FAM171A1: variants seen among roughly 807,000 people sequenced by gnomAD.
FAM171A1 encodes protein FAM171A1.
Under a neutral mutation model 74.9 loss-of-function variants are expected in FAM171A1, and 23 were observed. The ratio of observed to expected loss-of-function variants is 0.31; its 90% confidence interval spans 0.22 to 0.44. FAM171A1 has a LOEUF of 0.44. Ranked by LOEUF, FAM171A1 falls within the 20% of genes least tolerant of loss-of-function variation. The pLI is 1.00. For missense variants in FAM171A1, 1,162 were observed against 1,159.2 expected (o/e 1.00, Z -0.03); for synonymous variants, 527 against 505.7 (o/e 1.04, Z -0.57).
intron 3 of FAM171A1, among the ~76,000 whole-genome samples, chr10:15,273,214 C>T (rs1029372515): frequency 5.3e-5 from 8 of 152,064 alleles, no homozygotes; most frequent in African/African-American, 1.9e-4. Flanking sequence ...GGAGGTATCA[C>T]CGCCAATTCC....
intron 1 of FAM171A1, among the ~76,000 whole-genome samples, chr10:15,355,577 G>A (rs35027117): frequency 0.099 from 15,049 of 152,124 alleles, 816 homozygotes; most frequent in Middle Eastern, 0.16. Flanking sequence ...AATTAGCTAG[G>A]CATGGTGGTG....
At chr10:15,288,834 T>A (rs908652507) in intron 1 of FAM171A1, among the ~76,000 whole-genome samples, 1 of 130,418 alleles carries the variant, frequency 7.7e-6, no homozygotes. Context: ...TTTTTTTTTT[T>A]TTTTTGAGAC....
rs537608479 is a variant in FAM171A1 at position 15,284,679 on chromosome 10, T to C, written c.98-574A>G. On this transcript the variant is annotated intron_variant, in intron 1 of 7. Transcript: ENST00000378116. ...ATCTGCCCGCCTCAGGCTCCCAGAGTGCTGAGGTTACAGGTGTGCCCCACC... is the reference window on the plus strand; with the variant it reads ...ATCTGCCCGCCTCAGGCTCCCAGAGCGCTGAGGTTACAGGTGTGCCCCACC... 5.9e-5 allele frequency among the ~76,000 whole-genome samples: 9 copies of C among 152,022 alleles called. No homozygotes were observed. The East Asian group carries it at 1.7e-3, about 29-fold the overall frequency.
chr10:15,370,251 T>C (rs1836121340), intron 1 of FAM171A1, among the ~76,000 whole-genome samples: 1 of 150,990 alleles, frequency 6.6e-6, no homozygotes, highest in African/African-American at 2.4e-5. Context: ...TTTTTTTTTT[T>C]TTTTTTTTTG....
At chr10:15,307,772 T>C (rs1588545505) in intron 1 of FAM171A1, among the ~76,000 whole-genome samples, 1 of 150,862 alleles carries the variant, frequency 6.6e-6, no homozygotes, top group Admixed American at 6.6e-5. Context: ...AACCAATAAG[T>C]CTTATTTAGG....
intron 1 of FAM171A1, among the ~76,000 whole-genome samples, chr10:15,316,215 G>A (rs968342345): frequency 1.3e-5 from 2 of 152,186 alleles, no homozygotes; most frequent in Admixed American, 6.5e-5. Context: ...CCTTGTGCAC[G>A]ATGGTTTATC....
At chr10:15,309,955 T>C (rs1835341282) in intron 1 of FAM171A1, among the ~76,000 whole-genome samples, 1 of 152,212 alleles carries the variant, frequency 6.6e-6, no homozygotes, top group Non-Finnish European at 1.5e-5. Context: ...TAACCTCTAA[T>C]CTCTAACGTT....
rs1834847175 is a variant in FAM171A1, at chr10:15,273,051, C to T, written c.418+2804G>A. ...AGAAATAACTAAGATCAGAGCAGAA[C>T]TGAAGGAGATAGAGACACAAAAAAC... is the stretch of plus-strand genomic sequence containing the variant. On this transcript the variant is annotated intron_variant, in intron 3 of 7. Transcript: ENST00000378116. Among the ~76,000 whole-genome samples the T allele has an allele frequency of 2.6e-5, 4 of 152,006 alleles. No homozygotes were observed. The South Asian group carries it at 8.3e-4, about 31-fold the overall frequency.
At chr10:15,312,113 C>CTATA (rs1239712478) in intron 1 of FAM171A1, among the ~76,000 whole-genome samples, 2 of 152,192 alleles carry the variant, frequency 1.3e-5, no homozygotes, top group Non-Finnish European at 2.9e-5. Context: ...CGTGCACTTC[C>CTATA]TATTATACCA....
intron 5 of FAM171A1, among the ~76,000 whole-genome samples, chr10:15,245,777 G>T (rs905787559): frequency 6.6e-6 from 1 of 152,242 alleles, no homozygotes; most frequent in African/African-American, 2.4e-5. Context: ...GGCTACAGGG[G>T]ACAGGCAGAC....
At chr10:15,242,466 C>T (rs1834374995) in intron 5 of FAM171A1, among the ~76,000 whole-genome samples, 2 of 152,178 alleles carry the variant, frequency 1.3e-5, no homozygotes, top group Admixed American at 1.3e-4. Flanking sequence ...TTGGCAGTTA[C>T]ATTTTTCATA....
chr10:15,257,430 C>T (rs1400870585), intron 3 of FAM171A1, among the ~76,000 whole-genome samples: 1 of 152,182 alleles, frequency 6.6e-6, no homozygotes, highest in African/African-American at 2.4e-5. Flanking sequence ...CTGCTCTCCC[C>T]AGCTCTCAGG....
At chr10:15,270,567 C>G (rs994160691) in intron 3 of FAM171A1, among the ~76,000 whole-genome samples, 7 of 152,190 alleles carry the variant, frequency 4.6e-5, no homozygotes, top group African/African-American at 1.7e-4. Context: ...TGAGAACGGA[C>G]AGACTGCCCT....
At chr10:15,274,195 C>T (rs1834863905) in intron 3 of FAM171A1, among the ~76,000 whole-genome samples, 1 of 152,134 alleles carries the variant, frequency 6.6e-6, no homozygotes, top group South Asian at 2.1e-4. Flanking sequence ...AGTCTCAGGA[C>T]ACAAAATCAA....
Position 15,212,845 on chromosome 10 carries a change from G to C in FAM171A1, c.*70C>G. 1.3e-6 allele frequency: 2 copies of C among 1,572,438 alleles called. No homozygotes were observed. Among genetic ancestry groups the C allele is most frequent in the Non-Finnish European group, 1.7e-6 (2 of 1,162,236 alleles). ...CTGCCGTTCCGTTTCCTCCACGAACGGGTACGCGCTTCCATGAGAAAGGAT... is the reference window on the plus strand; with the variant it reads ...CTGCCGTTCCGTTTCCTCCACGAACCGGTACGCGCTTCCATGAGAAAGGAT... On this transcript the variant is annotated 3_prime_UTR_variant, in exon 8 of 8. Coordinates refer to ENST00000378116, the MANE Select transcript of FAM171A1 (RefSeq NM_001010924.2).
intron 3 of FAM171A1, among the ~76,000 whole-genome samples, chr10:15,258,815 A>G (rs1834619813): frequency 6.6e-6 from 1 of 151,976 alleles, no homozygotes; most frequent in Admixed American, 6.6e-5. Flanking sequence ...TTCCTTTGCA[A>G]GTCCTTCCTT....
intron 1 of FAM171A1, among the ~76,000 whole-genome samples, chr10:15,312,638 G>A (rs1247547293): frequency 8.3e-6 from 1 of 121,176 alleles, no homozygotes; most frequent in Non-Finnish European, 1.6e-5. Context: ...TCACCGGAAT[G>A]TAAATCAACT....
At chr10:15,343,235 A>G (rs900930311) in intron 1 of FAM171A1, among the ~76,000 whole-genome samples, 1 of 152,204 alleles carries the variant, frequency 6.6e-6, no homozygotes, top group Non-Finnish European at 1.5e-5. Flanking sequence ...TGAGTGCAGT[A>G]GCATGTGCCT....
At chr10:15,368,923 A>C (rs1157329000) in intron 1 of FAM171A1, among the ~76,000 whole-genome samples, 1 of 152,222 alleles carries the variant, frequency 6.6e-6, no homozygotes, top group Non-Finnish European at 1.5e-5. Flanking sequence ...AATGCCAGGT[A>C]GTGAGACCTG....
Sources: allele counts gnomAD v4.1 joint callset (sites outside exome capture counted in the v4.1 genomes callset), GRCh38; gene constraint gnomAD v4.1.1; transcripts MANE v1.5; gene names NCBI Gene and HGNC (gene_info 2026-07-23, HGNC 2026-07-21).